Variants in DAPK2 observed in about 807,000 individuals in gnomAD.
The protein encoded by DAPK2 is death associated protein kinase 2, also known as death-associated protein kinase 2.
In DAPK2, 35 loss-of-function variants were observed where a neutral mutation model predicts 44.1. The observed-to-expected ratio is 0.79, with a 90% confidence interval of 0.61 to 1.05. The LOEUF (loss-of-function observed/expected upper bound fraction) is 1.05, where lower values mean the gene tolerates loss of function less well. Ranked by LOEUF, DAPK2 falls within the 50% of genes least tolerant of loss-of-function variation. The probability of loss-of-function intolerance (pLI) is 0.00; values close to 1 mark genes in which losing one functional copy is unlikely to be tolerated. For synonymous variants in DAPK2, 174 were observed against 182.6 expected, an observed-to-expected ratio of 0.95 and a Z score of 0.38; for missense variants, 453 against 483.2, an observed-to-expected ratio of 0.94 and a Z score of 0.59.
At chr15:63,993,236 C>T (rs2078863951) in intron 1 of DAPK2, among the ~76,000 whole-genome samples, 1 of 152,160 alleles carries the variant, frequency 6.6e-6, no homozygotes, top group Non-Finnish European at 1.5e-5. Context: ...AAAGAAACAC[C>T]TTCACAGTTT....
At chr15:64,002,244 A>G (rs1224950750) in intron 1 of DAPK2, among the ~76,000 whole-genome samples, 1 of 152,246 alleles carries the variant, frequency 6.6e-6, no homozygotes, top group Non-Finnish European at 1.5e-5. Context: ...CCATAGTGTT[A>G]AGAGGAAAGG....
chr15:63,961,251 A>C (rs2077892019), intron 3 of DAPK2, among the ~76,000 whole-genome samples: 1 of 152,078 alleles, frequency 6.6e-6, no homozygotes, highest in African/African-American at 2.4e-5. Flanking sequence ...TGTACGTGAG[A>C]TGGATCTCCT....
At chr15:63,922,140 A>AAATAAT (rs1166720635) in intron 8 of DAPK2, 1 of 248,548 alleles carries the variant, frequency 4.0e-6, no homozygotes, top group Non-Finnish European at 6.4e-6. Flanking sequence ...AGTTACATGT[A>AAATAAT]AATAATAATA....
intron 3 of DAPK2, among the ~76,000 whole-genome samples, chr15:63,953,891 T>C (rs181678263): frequency 2.0e-5 from 3 of 152,376 alleles, no homozygotes; most frequent in Non-Finnish European, 2.9e-5. Flanking sequence ...CACCTTTTCA[T>C]ACACCTGTTT....
At chr15:63,995,239 T>C (rs1384480333) in intron 1 of DAPK2, among the ~76,000 whole-genome samples, 1 of 152,152 alleles carries the variant, frequency 6.6e-6, no homozygotes, top group Non-Finnish European at 1.5e-5. Context: ...TGGAATACAG[T>C]GGCACAATCA....
intron 1 of DAPK2, among the ~76,000 whole-genome samples, chr15:64,028,303 C>T (rs866502133): frequency 2.0e-5 from 3 of 152,244 alleles, no homozygotes; most frequent in Non-Finnish European, 2.9e-5. Flanking sequence ...AAGTGATCTG[C>T]CTGCCTTAGC....
In DAPK2 at chr15:64,014,369, T is replaced by C. The variant is rs150874951; in HGVS notation, c.92+25801A>G. Among the ~76,000 whole-genome samples the C allele has an allele frequency of 2.7e-3, 417 of 152,362 alleles. 2 individuals are homozygous for C. Among genetic ancestry groups the C allele is most frequent in the Admixed American group, 6.0e-3 (92 of 15,312 alleles). ...CACAGTGTTCTGCCTGAAAAGGACC[T>C]TTGATAGTATCCGATAGTCCAACAT... On this transcript the variant is annotated intron_variant, in intron 1 of 10. Coordinates refer to ENST00000261891, the Ensembl canonical transcript of DAPK2.
At chr15:63,970,527 G>T (rs2078183294) in intron 3 of DAPK2, among the ~76,000 whole-genome samples, 1 of 152,108 alleles carries the variant, frequency 6.6e-6, no homozygotes, top group African/African-American at 2.4e-5. Flanking sequence ...ACTTAGAGTT[G>T]CTGGTTTTTC....
rs532239217 is a variant in DAPK2, at chr15:63,966,947, G to A, written c.453+4476C>T. On this transcript the variant is annotated intron_variant, in intron 3 of 10. Coordinates refer to ENST00000261891, the Ensembl canonical transcript of DAPK2. This position sits in a 1 kb window ranked among gnomAD's most constrained non-coding sequence, Gnocchi z 5.5. Reference sequence around the variant, plus strand: ...TGTAATCCCAGCACTTTGGGAGGCCGAGGTGGGCGGATCACGAGTCAGGAG... The same window carrying A: ...TGTAATCCCAGCACTTTGGGAGGCCAAGGTGGGCGGATCACGAGTCAGGAG... 1.1e-4 allele frequency among the ~76,000 whole-genome samples: 17 copies of A among 152,144 alleles called. No individual in the cohort carries two copies. The highest frequency in any genetic ancestry group is 2.1e-4 in the South Asian group (1 of 4,820).
chr15:63,986,895 A>G (rs2140883739), intron 1 of DAPK2, among the ~76,000 whole-genome samples: 1 of 152,272 alleles, frequency 6.6e-6, no homozygotes, highest in East Asian at 1.9e-4. Flanking sequence ...CATTTCACAA[A>G]TGAAGAAACT....
intron 8 of DAPK2, among the ~76,000 whole-genome samples, chr15:63,915,110 G>A (rs1425867179): frequency 6.6e-6 from 1 of 152,116 alleles, no homozygotes; most frequent in Non-Finnish European, 1.5e-5. Flanking sequence ...ACTTATAATA[G>A]CAAATATGAT....
rs566174721 is a variant in DAPK2, at chr15:63,912,593, G to A, written c.859-396C>T. On this transcript the variant is annotated intron_variant, in intron 8 of 10. Transcript: ENST00000261891. This position sits in a 1 kb window ranked among gnomAD's most constrained non-coding sequence, Gnocchi z 4.4. The stretch of plus-strand genomic sequence containing the variant: ...CAAAACAAATGCCTTGTTGGTAGAC[G>A]GGGAATTCATACTCCATTAAAAAAT... 2.0e-5 allele frequency among the ~76,000 whole-genome samples: 3 copies of A among 152,286 alleles called. No homozygotes were observed. The highest frequency in any genetic ancestry group is 1.9e-4 in the East Asian group (1 of 5,186).
chr15:63,927,296 C>T (rs372836529), intron 6 of DAPK2, among the ~76,000 whole-genome samples: 17 of 152,172 alleles, frequency 1.1e-4, no homozygotes, highest in African/African-American at 4.1e-4. Flanking sequence ...AGAGTTGGTC[C>T]TTACCCCACG....
At chr15:63,926,017 A>G in exon 7 of DAPK2, 1 of 1,614,182 alleles carries the variant, frequency 6.2e-7, no homozygotes, top group Non-Finnish European at 8.5e-7. Context: ...TCCTCATCAA[A>G]GTCGTAACTC....
chr15:63,929,752 G>C (rs776909728), intron 5 of DAPK2, 175 bp from the exon 7 acceptor site: 1 of 757,672 alleles, frequency 1.3e-6, no homozygotes, highest in South Asian at 1.5e-5. Context: ...AGCCCGGGGT[G>C]TGTTTGGAGT....
At chr15:64,028,921 T>A (rs1159532896) in intron 1 of DAPK2, among the ~76,000 whole-genome samples, 1 of 148,298 alleles carries the variant, frequency 6.7e-6, no homozygotes, top group African/African-American at 2.6e-5. Flanking sequence ...TTCTTACAAC[T>A]TTTTTTTATC....
In DAPK2 at chr15:63,939,553, G is replaced by A. The variant is rs775550511; in HGVS notation, c.454-192C>T. ...AGTCTTCTCTGTGAACCCAAAGACA[G>A]GTAAAGCATTGAGGGCAAGGCCTGG... On this transcript the variant is annotated intron_variant, in intron 3 of 10. Transcript: ENST00000261891. This position sits in a 1 kb window ranked among gnomAD's most constrained non-coding sequence, Gnocchi z 4.3. 2.0e-5 allele frequency among the ~76,000 whole-genome samples: 3 copies of A among 152,164 alleles called. No homozygotes were observed. The highest frequency in any genetic ancestry group is 4.4e-5 in the Non-Finnish European group (3 of 68,030).
In DAPK2 at chr15:64,019,614, G is replaced by C. The variant is rs540404826; in HGVS notation, c.92+20556C>G. Among the ~76,000 whole-genome samples, 165 of 152,326 alleles carry C rather than the reference G, an allele frequency of 1.1e-3. 1 individual carries two copies. Among genetic ancestry groups the C allele is most frequent in the African/African-American group, 3.7e-3 (155 of 41,562 alleles). ...AAGTATATGAAAGTACAAATCTGTG[G>C]CAATTTCACTGTTTCTAGAGAATGC... is the stretch of plus-strand genomic sequence containing the variant. On this transcript the variant is annotated intron_variant, in intron 1 of 10. Transcript: ENST00000261891.
intron 1 of DAPK2, among the ~76,000 whole-genome samples, chr15:64,025,897 T>A (rs886388067): frequency 6.6e-6 from 1 of 152,242 alleles, no homozygotes; most frequent in Non-Finnish European, 1.5e-5. Flanking sequence ...AAGTTAGCGT[T>A]CTCTATCATC....
Sources: gnomAD v4.1 joint callset for allele counts (sites outside exome capture counted in the v4.1 genomes callset) on GRCh38, gnomAD v4.1.1 for gene constraint, Gnocchi (gnomAD v3.1) non-coding constraint, MANE v1.5 for transcripts, NCBI Gene and HGNC (gene_info 2026-07-23, HGNC 2026-07-21) for gene names.